Variants in IL23R observed in about 807,000 individuals in gnomAD.
The protein encoded by IL23R is interleukin-23 receptor.
A neutral mutation model predicts 56.9 loss-of-function variants in IL23R; 34 were observed. The ratio of observed to expected loss-of-function variants is 0.60; its 90% CI spans 0.45 to 0.80. IL23R has a LOEUF of 0.80. Ranked by LOEUF, IL23R falls within the 30% of genes least tolerant of loss-of-function variation. IL23R has a pLI of 0.00. For synonymous variants in IL23R, 230 were observed against 249.2 expected (o/e 0.92, Z 0.73); for missense variants, 635 against 730.0 (o/e 0.87, Z 1.50).
At chr1:67,207,110 C>A (rs1356063825) in intron 6 of IL23R, 55 bp downstream of exon 6, 8 of 1,529,682 alleles carry the variant, frequency 5.2e-6, no homozygotes, top group South Asian at 1.1e-5. Context: ...TAAAAGCCAA[C>A]CATCAGTGGC....
intron 9 of IL23R, among the ~76,000 whole-genome samples, chr1:67,242,159 T>C (rs975938002): frequency 5.9e-5 from 9 of 152,210 alleles, no homozygotes; most frequent in African/African-American, 1.9e-4. Context: ...GATGCCCTGC[T>C]AGAAGAGTGA....
At chr1:67,150,997 AT>A (rs1406003244) in intron 1 of IL23R, among the ~76,000 whole-genome samples, 2 of 152,162 alleles carry the variant, frequency 1.3e-5, no homozygotes, top group African/African-American at 4.8e-5. Context: ...GTCAAATGGT[AT>A]TTCTGGCTCT....
At chr1:67,185,895 T>A (rs1468468637) in intron 4 of IL23R, among the ~76,000 whole-genome samples, 1 of 152,226 alleles carries the variant, frequency 6.6e-6, no homozygotes, top group African/African-American at 2.4e-5. Flanking sequence ...CTGTACTTCA[T>A]GTGCATGACA....
chr1:67,157,131 G>C (rs12755265), intron 1 of IL23R, among the ~76,000 whole-genome samples: 1 of 151,866 alleles, frequency 6.6e-6, no homozygotes, highest in Admixed American at 6.6e-5. Context: ...CGCACCCACT[G>C]CATAACCAGT....
At chr1:67,209,602 C>T (rs2102643057) in intron 6 of IL23R, among the ~76,000 whole-genome samples, 1 of 152,286 alleles carries the variant, frequency 6.6e-6, no homozygotes, top group Middle Eastern at 3.4e-3. Flanking sequence ...TCTGAGGCCT[C>T]TCCAGCCATA....
At chr1:67,190,463 A>C (rs1337631428) in intron 4 of IL23R, among the ~76,000 whole-genome samples, 1 of 150,656 alleles carries the variant, frequency 6.6e-6, no homozygotes, top group Non-Finnish European at 1.5e-5. Context: ...AAACAAAACC[A>C]GTGCTAATAA....
At chr1:67,253,695 GT>G (rs1652781592) in intron 9 of IL23R, among the ~76,000 whole-genome samples, 1 of 152,068 alleles carries the variant, frequency 6.6e-6, no homozygotes, top group African/African-American at 2.4e-5. Context: ...ATTTGAGGCT[GT>G]TTTAAAATAT....
chr1:67,240,068 C>G (rs762033026), intron 8 of IL23R, 111 bp from the exon 9 acceptor site: 11 of 814,954 alleles, frequency 1.3e-5, no homozygotes, highest in Admixed American at 2.0e-5. Context: ...TGCTTCCCCC[C>G]ACCCTTTCTC....
chr1:67,182,464 C>T (rs1647161377), intron 3 of IL23R, among the ~76,000 whole-genome samples: 1 of 152,160 alleles, frequency 6.6e-6, no homozygotes, highest in African/African-American at 2.4e-5. Context: ...CCTGGTGTGC[C>T]ATTTGCTGAG....
At chr1:67,212,497 G>T (rs909162206) in intron 6 of IL23R, among the ~76,000 whole-genome samples, 1 of 151,986 alleles carries the variant, frequency 6.6e-6, no homozygotes, top group South Asian at 2.1e-4. Context: ...AAGAGCACAG[G>T]CTCTAGAGTT....
At chr1:67,167,164 G>A (rs2102552096) in intron 1 of IL23R, among the ~76,000 whole-genome samples, 1 of 152,312 alleles carries the variant, frequency 6.6e-6, no homozygotes, top group Middle Eastern at 3.4e-3. Flanking sequence ...GTGCAATGGT[G>A]TGATCATGGT....
At chr1:67,243,501 T>A (rs1381308939) in intron 9 of IL23R, among the ~76,000 whole-genome samples, 1 of 151,936 alleles carries the variant, frequency 6.6e-6, no homozygotes, top group East Asian at 1.9e-4. Flanking sequence ...GATGTTCCCC[T>A]CCTTGTGTCC....
At chr1:67,199,233 A>C (rs1648420524) in intron 4 of IL23R, among the ~76,000 whole-genome samples, 1 of 152,164 alleles carries the variant, frequency 6.6e-6, no homozygotes, top group African/African-American at 2.4e-5. Flanking sequence ...TTCAGGATCC[A>C]GGCTATTGCA....
At position 67,160,278 on chromosome 1, in the gene IL23R, C is replaced by T. The variant is rs112558297; in HGVS notation, c.-633-7814C>T. ...AAGTATTAAAATGATTGCTTGAAAA[C>T]ACAATCTAGTCACTGTTGTATACAC... is the stretch of plus-strand genomic sequence containing the variant. On this transcript the variant is annotated intron_variant, in intron 1 of 10. Transcript: ENST00000637002. Among the ~76,000 whole-genome samples, 1,359 of 152,266 alleles carry T rather than the reference C, an allele frequency of 8.9e-3. 16 individuals are homozygous for T. The highest frequency in any genetic ancestry group is 0.031 in the African/African-American group (1,285 of 41,556).
chr1:67,145,515 G>T (rs1646672196), intron 1 of IL23R, among the ~76,000 whole-genome samples: 1 of 151,992 alleles, frequency 6.6e-6, no homozygotes. Context: ...CCTCTTTTCT[G>T]GTCCTCATAC....
chr1:67,187,967 G>T (rs559752345), intron 4 of IL23R, among the ~76,000 whole-genome samples: 3 of 152,048 alleles, frequency 2.0e-5, no homozygotes. Context: ...CAGGAGAATC[G>T]CTTGAACCTG....
intron 9 of IL23R, among the ~76,000 whole-genome samples, chr1:67,241,945 A>G (rs1238104135): frequency 6.6e-6 from 1 of 152,186 alleles, no homozygotes; most frequent in Non-Finnish European, 1.5e-5. Flanking sequence ...TTTTCTCCAT[A>G]CATCATAAGT....
intron 3 of IL23R, among the ~76,000 whole-genome samples, chr1:67,179,766 A>G (rs34749978): frequency 6.6e-6 from 1 of 151,584 alleles, no homozygotes; most frequent in Non-Finnish European, 1.5e-5. Flanking sequence ...AGTGCTATAA[A>G]TTTCCCTCTA....
At chr1:67,246,961 G>A (rs577571976) in intron 9 of IL23R, among the ~76,000 whole-genome samples, 1 of 152,158 alleles carries the variant, frequency 6.6e-6, no homozygotes, top group South Asian at 2.1e-4. Context: ...CTCTTTGTAG[G>A]TCTCTAAGAA....
Sources: gnomAD v4.1 joint callset for allele counts (sites outside exome capture counted in the v4.1 genomes callset) on GRCh38, gnomAD v4.1.1 for gene constraint, MANE v1.5 for transcripts, NCBI Gene and HGNC (gene_info 2026-07-23, HGNC 2026-07-21) for gene names.